Variants in SLCO3A1 observed in about 807,000 individuals in gnomAD.
SLCO3A1 encodes the protein PGE1 transporter.
Under a neutral mutation model 63.1 loss-of-function variants are expected in SLCO3A1, and 27 were observed. The ratio of observed to expected loss-of-function variants is 0.43; its 90% CI spans 0.32 to 0.59. The LOEUF is 0.59. Among genes scored for constraint, SLCO3A1 ranks in the 20% least tolerant of loss-of-function variants. SLCO3A1 has a pLI of 0.09. For synonymous variants in SLCO3A1, 473 were observed against 409.9 expected, an observed-to-expected ratio of 1.15 and a Z score of -1.86; for missense variants, 773 against 945.8, an observed-to-expected ratio of 0.82 and a Z score of 2.40.
At chr15:91,907,243 G>GTT in intron 1 of SLCO3A1, among the ~76,000 whole-genome samples, 1 of 151,938 alleles carries the variant, frequency 6.6e-6, no homozygotes, top group East Asian at 1.9e-4. Flanking sequence ...GTCTCACTCT[G>GTT]TTGCCCAGGC....
At chr15:91,972,919 G>A (rs570910855) in intron 2 of SLCO3A1, among the ~76,000 whole-genome samples, 4 of 152,236 alleles carry the variant, frequency 2.6e-5, no homozygotes, top group Non-Finnish European at 5.9e-5. Flanking sequence ...TCAGGGGTTC[G>A]AGACCATCCT....
At chr15:92,147,807 G>T (rs1481283963) in intron 8 of SLCO3A1, among the ~76,000 whole-genome samples, 1 of 152,196 alleles carries the variant, frequency 6.6e-6, no homozygotes, top group African/African-American at 2.4e-5. Context: ...TGAGCCATTA[G>T]TAATATTCTG....
chr15:91,998,082 A>C (rs2046212734), intron 2 of SLCO3A1, among the ~76,000 whole-genome samples: 1 of 152,274 alleles, frequency 6.6e-6, no homozygotes, highest in South Asian at 2.1e-4. Flanking sequence ...AAATATTTTC[A>C]AACTATGCAT....
At chr15:92,105,487 CAAT>C (rs1353164348) in intron 4 of SLCO3A1, among the ~76,000 whole-genome samples, 1 of 152,154 alleles carries the variant, frequency 6.6e-6, no homozygotes, top group Admixed American at 6.5e-5. Flanking sequence ...GAAGCACAAA[CAAT>C]GATGCAGAGT....
At position 91,894,765 on chromosome 15, in the gene SLCO3A1, G is replaced by A. The variant is rs1897961175; in HGVS notation, c.181-21228G>A. Among the ~76,000 whole-genome samples, 1 of 152,188 alleles carries A rather than the reference G, an allele frequency of 6.6e-6. No homozygotes were observed. The highest frequency in any genetic ancestry group is 2.1e-4 in the South Asian group (1 of 4,828). Reference sequence around the variant, plus strand: ...TCTGGTGATGTCAGCTACTCCTGCTGGAGCCCCACTTGACTGAGCAAGGGC... The same window carrying A: ...TCTGGTGATGTCAGCTACTCCTGCTAGAGCCCCACTTGACTGAGCAAGGGC... On this transcript the variant is annotated intron_variant, in intron 1 of 9. Transcript: ENST00000318445. This position sits in a 1 kb window ranked among gnomAD's most constrained non-coding sequence, Gnocchi z 4.8.
At position 91,955,433 on chromosome 15, in the gene SLCO3A1, A is replaced by T. The variant is rs184131748; in HGVS notation, c.646+38975A>T. 5.7e-4 allele frequency among the ~76,000 whole-genome samples: 86 copies of T among 152,084 alleles called. 1 individual carries two copies. In the East Asian group the frequency reaches 0.014, roughly 25 times the overall value. Reference sequence around the variant, plus strand: ...CTACAACCTCCACCTCCCGGGTTCAACCAGTTCTCCTGTCTCAGCCTCTCT... The same window carrying T: ...CTACAACCTCCACCTCCCGGGTTCATCCAGTTCTCCTGTCTCAGCCTCTCT... On this transcript the variant is annotated intron_variant, in intron 2 of 9. Transcript: ENST00000318445.
intron 2 of SLCO3A1, among the ~76,000 whole-genome samples, chr15:91,923,256 G>T (rs530709542): frequency 1.5e-4 from 23 of 152,330 alleles, no homozygotes; most frequent in African/African-American, 4.6e-4. Flanking sequence ...TCCATTTCCA[G>T]ATGTAGAAAT....
At chr15:91,913,493 C>T (rs1896690601) in intron 1 of SLCO3A1, among the ~76,000 whole-genome samples, 1 of 152,226 alleles carries the variant, frequency 6.6e-6, no homozygotes, top group Non-Finnish European at 1.5e-5. Flanking sequence ...TCCCCGAGTG[C>T]CTCCAATCTG....
rs529765257 is a variant in SLCO3A1 at position 92,124,164 on chromosome 15, G to T, written c.1175-1897G>T. ...CCCCTTGCAAAGTCATCAGCAAATG[G>T]GGCAGAGCTCAGAGAAGAGCAACAC... On this transcript the variant is annotated intron_variant, in intron 5 of 9. Coordinates refer to ENST00000318445, the MANE Select transcript of SLCO3A1 (RefSeq NM_013272.4). Among the ~76,000 whole-genome samples the T allele has an allele frequency of 1.2e-4, 19 of 152,336 alleles. No individual in the cohort carries two copies. In the East Asian group the frequency reaches 3.7e-3, roughly 29 times the overall value.
intron 3 of SLCO3A1, 137 bp downstream of exon 3, chr15:92,095,116 C>T: frequency 3.3e-6 from 2 of 612,986 alleles, no homozygotes; most frequent in Non-Finnish European, 5.9e-6. Flanking sequence ...CTGGGGCTCA[C>T]CCGAGATTAG....
chr15:92,162,510 A>G, intron 9 of SLCO3A1: 1 of 529,060 alleles, frequency 1.9e-6, no homozygotes, highest in Non-Finnish European at 3.3e-6. Context: ...TAGTATTATC[A>G]TCATCCCCAT....
chr15:92,106,535 C>G (rs998428950), intron 4 of SLCO3A1, among the ~76,000 whole-genome samples: 1 of 152,146 alleles, frequency 6.6e-6, no homozygotes, highest in African/African-American at 2.4e-5. Flanking sequence ...GACATCCTGG[C>G]CATGGGCGAC....
intron 2 of SLCO3A1, among the ~76,000 whole-genome samples, chr15:92,027,310 C>T (rs922073841): frequency 1.3e-5 from 2 of 152,238 alleles, no homozygotes; most frequent in African/African-American, 4.8e-5. Context: ...CTAAACAACA[C>T]CACATTGCTT....
At chr15:92,076,290 G>A (rs760505107) in intron 2 of SLCO3A1, among the ~76,000 whole-genome samples, 2 of 152,144 alleles carry the variant, frequency 1.3e-5, no homozygotes, top group African/African-American at 4.8e-5. Flanking sequence ...GTGCCAACCT[G>A]GCTAGCACCT....
At chr15:91,960,555 C>T (rs1900407481) in intron 2 of SLCO3A1, among the ~76,000 whole-genome samples, 1 of 152,208 alleles carries the variant, frequency 6.6e-6, no homozygotes, top group Non-Finnish European at 1.5e-5. Context: ...AGCTCCTAAA[C>T]TCGTTCCTTT....
At position 92,091,720 on chromosome 15, in the gene SLCO3A1, A is replaced by G. The variant is rs369502701; in HGVS notation, c.647-3161A>G. ...TGAGGTCCGTGTGACGAGGAGCGAC[A>G]TAGAAAAGTGACCAGAGGTTGCACC... On this transcript the variant is annotated intron_variant, in intron 2 of 9. Transcript: ENST00000318445. Among the ~76,000 whole-genome samples, 14 of 152,384 alleles carry G rather than the reference A, an allele frequency of 9.2e-5. 2 individuals carry two copies. In the East Asian group the frequency reaches 2.5e-3, roughly 27 times the overall value.
At chr15:92,014,888 G>T (rs1597221410) in intron 2 of SLCO3A1, among the ~76,000 whole-genome samples, 1 of 152,098 alleles carries the variant, frequency 6.6e-6, no homozygotes, top group Non-Finnish European at 1.5e-5. Flanking sequence ...GGAGGATCAG[G>T]CCTGGATCTG....
At chr15:92,047,593 AATATATAATATATATAT>A (rs2046902172) in intron 2 of SLCO3A1, among the ~76,000 whole-genome samples, 1 of 6,274 alleles carries the variant, frequency 1.6e-4, no homozygotes, top group African/African-American at 3.0e-4. Context: ...ATATATATAT[AATATATAATATATATAT>A]AATATATAAA....
intron 7 of SLCO3A1, among the ~76,000 whole-genome samples, chr15:92,142,612 C>T (rs1453111337): frequency 6.6e-6 from 1 of 152,194 alleles, no homozygotes; most frequent in Admixed American, 6.5e-5. Context: ...AACATTCAAA[C>T]CACGCACTGC....
Sources: gnomAD v4.1 joint callset for allele counts (sites outside exome capture counted in the v4.1 genomes callset) on GRCh38, gnomAD v4.1.1 for gene constraint, Gnocchi (gnomAD v3.1) non-coding constraint, MANE v1.5 for transcripts, NCBI Gene and HGNC (gene_info 2026-07-23, HGNC 2026-07-21) for gene names.